The following PPM1B variants were observed in gnomAD, a reference collection of about 807,000 sequenced individuals.
PPM1B encodes protein phosphatase 1B.
A neutral mutation model predicts 43.0 loss-of-function variants in PPM1B; 22 were observed. The ratio of observed to expected loss-of-function variants is 0.51; its 90% CI spans 0.37 to 0.73. The LOEUF (loss-of-function observed/expected upper bound fraction) is 0.73, where lower values mean the gene tolerates loss of function less well. Ranked by LOEUF, PPM1B falls within the 30% of genes least tolerant of loss-of-function variation. The probability of loss-of-function intolerance (pLI) is 0.00; values close to 1 mark genes in which losing one functional copy is unlikely to be tolerated. For synonymous variants in PPM1B, 217 were observed against 197.9 expected (o/e 1.10, Z -0.81); for missense variants, 632 against 584.2 (o/e 1.08, Z -0.84).
At chr2:44,217,792 G>T (rs1402077951) in intron 3 of PPM1B, 175 bp from the exon 4 acceptor site, 1 of 417,060 alleles carries the variant, frequency 2.4e-6, no homozygotes, top group Non-Finnish European at 4.3e-6. Context: ...GCATAGCAAT[G>T]TTTCAGTCAA....
At chr2:44,239,530 A>C (rs901632754), downstream of PPM1B, among the ~76,000 whole-genome samples, 2 of 152,020 alleles carry the variant, frequency 1.3e-5, no homozygotes, top group Admixed American at 1.3e-4. Context: ...AAGTTCATAT[A>C]GTCTCTAATT....
At chr2:44,171,635 G>C (rs1431790770) in intron 1 of PPM1B, among the ~76,000 whole-genome samples, 1 of 151,686 alleles carries the variant, frequency 6.6e-6, no homozygotes, top group Non-Finnish European at 1.5e-5. Flanking sequence ...TTCATGACCA[G>C]CCTGGCCAAC....
intron 1 of PPM1B, among the ~76,000 whole-genome samples, chr2:44,192,960 C>T (rs145186523): frequency 0.012 from 1,836 of 152,120 alleles, 28 homozygotes; most frequent in Non-Finnish European, 0.018. Flanking sequence ...TTTCTTTATC[C>T]ATTCATTCAT....
chr2:44,175,493 A>G (rs746109369), intron 1 of PPM1B, among the ~76,000 whole-genome samples: 34 of 152,218 alleles, frequency 2.2e-4, no homozygotes, highest in Non-Finnish European at 4.9e-4. Context: ...TCATGCCAGT[A>G]TCTGAACAAA....
In PPM1B at chr2:44,218,837, A is replaced by T. The variant is rs1354317017; in HGVS notation, c.1134+300A>T. 9 of 464,510 alleles carry T rather than the reference A, an allele frequency of 1.9e-5. No individual in the cohort carries two copies. In the East Asian group the frequency reaches 5.8e-4, roughly 30 times the overall value. 28.8% of individuals were successfully genotyped at this position (464,510 alleles called of 1,614,324 possible). ...TTTTCCTTCTTCTCCTTTAAACCTT[A>T]ATTTTGAGGCAAGAATGCTCTTTTA... On this transcript the variant is annotated intron_variant, in intron 5 of 5. Transcript: ENST00000282412.
intron 1 of PPM1B, among the ~76,000 whole-genome samples, chr2:44,183,977 A>C (rs1668008070): frequency 6.6e-6 from 1 of 152,078 alleles, no homozygotes; most frequent in African/African-American, 2.4e-5. Flanking sequence ...TGACCTCGTG[A>C]TCCGCCCGCC....
intron 1 of PPM1B, among the ~76,000 whole-genome samples, chr2:44,198,594 A>G (rs575293827): frequency 6.6e-6 from 1 of 152,358 alleles, no homozygotes; most frequent in East Asian, 1.9e-4. Flanking sequence ...CAGGCACTAC[A>G]GAAGTATTTG....
chr2:44,237,841 C>T (rs866007478), downstream of PPM1B, among the ~76,000 whole-genome samples: 4 of 152,202 alleles, frequency 2.6e-5, 1 homozygote, highest in Middle Eastern at 6.8e-3. Context: ...TTTTTGGGCA[C>T]TGATTATGAA....
intron 3 of PPM1B, among the ~76,000 whole-genome samples, chr2:44,212,762 G>A (rs1234502758): frequency 6.6e-6 from 1 of 152,058 alleles, no homozygotes; most frequent in East Asian, 1.9e-4. Context: ...TGTAATCCCA[G>A]CACTTTGGGA....
At chr2:44,241,063 G>C (rs1367294433) in intron 5 of PPM1B, among the ~76,000 whole-genome samples, 1 of 142,914 alleles carries the variant, frequency 7.0e-6, no homozygotes, top group Non-Finnish European at 1.6e-5. Context: ...CAGTGCAATG[G>C]CGCGATCTTG....
intron 1 of PPM1B, among the ~76,000 whole-genome samples, chr2:44,180,645 CTG>C (rs1179054710): frequency 6.6e-6 from 1 of 151,848 alleles, no homozygotes; most frequent in East Asian, 1.9e-4. Context: ...GTGTCTCACT[CTG>C]TTGTCCAGGC....
chr2:44,218,238 G>C (rs1346195434), intron 4 of PPM1B, among the ~76,000 whole-genome samples, 160 bp downstream of exon 4: 1 of 152,102 alleles, frequency 6.6e-6, no homozygotes, highest in African/African-American at 2.4e-5. Flanking sequence ...AACCAAAAAC[G>C]ATTTTTTAAA....
downstream of PPM1B, among the ~76,000 whole-genome samples, chr2:44,237,994 G>A (rs143637113): frequency 0.029 from 4,447 of 152,194 alleles, 223 homozygotes; most frequent in African/African-American, 0.1. Flanking sequence ...TCCACCTCCC[G>A]GGTTCAAGCG....
chr2:44,218,808 CT>C, intron 5 of PPM1B: 1 of 464,048 alleles, frequency 2.2e-6, no homozygotes, highest in Non-Finnish European at 4.1e-6. Context: ...CTCTATATGT[CT>C]GCTTTTCCTT....
chr2:44,196,396 C>G (rs1050618531), intron 1 of PPM1B, among the ~76,000 whole-genome samples: 20 of 152,152 alleles, frequency 1.3e-4, no homozygotes, highest in African/African-American at 4.8e-4. Context: ...TGGAGGAAGA[C>G]CACTGAGGTA....
chr2:44,185,828 T>C lies in PPM1B; in HGVS notation c.-14-15358T>C, dbSNP rs1345102848. On this transcript the variant is annotated intron_variant, in intron 1 of 5. Transcript: ENST00000282412. Reference sequence around the variant, plus strand: ...CAATTATAATGAAAACTGTAAAATATCTCTTAAACAATTATTCAAGCCCTT... The same window carrying C: ...CAATTATAATGAAAACTGTAAAATACCTCTTAAACAATTATTCAAGCCCTT... 3.3e-5 allele frequency among the ~76,000 whole-genome samples: 5 copies of C among 152,180 alleles called. No individual in the cohort carries two copies. The East Asian group carries it at 5.8e-4, about 18-fold the overall frequency.
chr2:44,216,858 G>A (rs376150651), intron 3 of PPM1B, among the ~76,000 whole-genome samples: 2 of 150,276 alleles, frequency 1.3e-5, no homozygotes, highest in African/African-American at 4.9e-5. Context: ...CAGGGAGTCA[G>A]AGGTTGCAGT....
chr2:44,198,063 T>C (rs1321595498), intron 1 of PPM1B, among the ~76,000 whole-genome samples: 1 of 152,188 alleles, frequency 6.6e-6, no homozygotes, highest in Non-Finnish European at 1.5e-5. Flanking sequence ...AAGCCACGCT[T>C]GCCAATGTCC....
intron 5 of PPM1B, among the ~76,000 whole-genome samples, chr2:44,225,853 A>G (rs984125668): frequency 6.6e-6 from 1 of 150,790 alleles, no homozygotes; most frequent in African/African-American, 2.4e-5. Context: ...GATGGGTTTC[A>G]CCATGTTGAT....
Sources: allele counts gnomAD v4.1 joint callset (sites outside exome capture counted in the v4.1 genomes callset), GRCh38; gene constraint gnomAD v4.1.1; transcripts MANE v1.5; gene names NCBI Gene and HGNC (gene_info 2026-07-23, HGNC 2026-07-21).